The following UMOD variants were observed in gnomAD, a reference collection of about 807,000 sequenced individuals.
UMOD encodes the protein Tamm-Horsfall urinary glycoprotein.
A neutral mutation model predicts 66.0 loss-of-function variants in UMOD; 64 were observed. The ratio of observed to expected loss-of-function variants is 0.97; its 90% CI spans 0.79 to 1.19. The LOEUF is 1.19. Ranked by LOEUF, UMOD falls within the 50% of genes most tolerant of loss-of-function variation. UMOD has a pLI of 0.00. For synonymous variants in UMOD, 398 were observed against 352.7 expected, an observed-to-expected ratio of 1.13 and a Z score of -1.44; for missense variants, 764 against 850.9, an observed-to-expected ratio of 0.90 and a Z score of 1.27.
chr16:20,343,261 A>T (rs1371812805), intron 6 of UMOD, among the ~76,000 whole-genome samples: 1 of 103,932 alleles, frequency 9.6e-6, no homozygotes, highest in Non-Finnish European at 2.2e-5. Context: ...GATTCCTTTT[A>T]AAAAAAATAA....
Position 20,333,208 on chromosome 16 carries a change from A to T in UMOD, c.*106T>A, listed in dbSNP as rs1484927476. ...GGGAGAAAAGAAGGCAGGCTGAACA[A>T]AGCATGAACTTTCTTTTCTGTGGCT... On this transcript the variant is annotated 3_prime_UTR_variant, in exon 11 of 11. Coordinates refer to ENST00000396138, the MANE Select transcript of UMOD (RefSeq NM_003361.4). The T allele has an allele frequency of 2.5e-6, 3 of 1,189,874 alleles. No individual in the cohort carries two copies. The highest frequency in any genetic ancestry group is 2.4e-6 in the Non-Finnish European group (2 of 816,366). The allele number at this position is 1,189,874 out of a possible 1,614,324, so 73.7% of individuals were successfully genotyped here.
chr16:20,340,950 C>G, intron 7 of UMOD, 141 bp downstream of exon 7: 3 of 951,968 alleles, frequency 3.2e-6, no homozygotes, highest in Non-Finnish European at 4.7e-6. Flanking sequence ...GCCGAGGTCA[C>G]ACCATTGCAC....
chr16:20,341,004 AAAAAAG>A, intron 7 of UMOD, 81 bp downstream of exon 7: 1 of 1,443,480 alleles, frequency 6.9e-7, no homozygotes, highest in South Asian at 1.3e-5. Flanking sequence ...AAAAAAAAAA[AAAAAAG>A]ATGCAATTTT....
chr16:20,340,493 T>TATATATATAA lies in UMOD; in HGVS notation c.1577+597_1577+598insTTATATATAT, dbSNP rs1491178174. ...GTGTGTATATATATATATATATATA[T>TATATATATAA]AATACATAAATATATATTTGCCAAT... is the stretch of plus-strand genomic sequence containing the variant. On this transcript the variant is annotated intron_variant, in intron 7 of 10. Coordinates refer to ENST00000396138, the MANE Select transcript of UMOD (RefSeq NM_003361.4). 3.0e-4 allele frequency among the ~76,000 whole-genome samples: 28 copies of TATATATATAA among 92,542 alleles called. No individual in the cohort carries two copies. In the South Asian group the frequency reaches 8.9e-3, roughly 29 times the overall value. 60.7% of individuals were successfully genotyped at this position (92,542 alleles called of 152,430 possible). A position where few individuals can be genotyped will look rare whatever the true frequency, so the allele number is the denominator to read the frequency against.
At position 20,348,429 on chromosome 16, in the gene UMOD, G is replaced by T. The variant is rs759063012; in HGVS notation, c.865+7C>A. On this transcript the variant is annotated splice_region_variant and intron_variant, in intron 3 of 10. Coordinates refer to ENST00000396138, the MANE Select transcript of UMOD (RefSeq NM_003361.4). ...GGGATGAGGACTGTGGGGAGACTCC[G>T]GCTGACCTGTGCAGTACGCCAGGTG... 2 of 1,613,960 alleles carry T rather than the reference G, an allele frequency of 1.2e-6. No individual in the cohort carries two copies. Among genetic ancestry groups the T allele is most frequent in the Non-Finnish European group, 1.7e-6 (2 of 1,180,016 alleles).
At chr16:20,336,924 C>T (rs979573733) in intron 8 of UMOD, among the ~76,000 whole-genome samples, 197 bp from the exon 9 acceptor site, 3 of 152,212 alleles carry the variant, frequency 2.0e-5, no homozygotes, top group Admixed American at 1.3e-4. Context: ...AGGCAAGCCA[C>T]TGAAGTTCTC....
upstream of UMOD, among the ~76,000 whole-genome samples, chr16:20,354,911 C>T: frequency 6.6e-6 from 1 of 152,142 alleles, no homozygotes; most frequent in Non-Finnish European, 1.5e-5. Flanking sequence ...GGCTTTTACA[C>T]TTAGGGTCAC....
chr16:20,352,139 A>G (rs989247544), intron 1 of UMOD, among the ~76,000 whole-genome samples: 1 of 151,926 alleles, frequency 6.6e-6, no homozygotes, highest in Non-Finnish European at 1.5e-5. Context: ...TCCTTACTAC[A>G]TTAAGTGATT....
In UMOD at chr16:20,344,189, G is replaced by A. The variant is rs1280345708; in HGVS notation, c.1183-17C>T. ...TTCATTCCTCTGTTGCAGGGAATGG[G>A]GGTGGAGGGGGGGTGGGGATGAGAG... On this transcript the variant is annotated splice_polypyrimidine_tract_variant and intron_variant, in intron 5 of 10. Transcript: ENST00000396138. 6 of 1,560,454 alleles carry A rather than the reference G, an allele frequency of 3.8e-6. No homozygotes were observed. The highest frequency in any genetic ancestry group is 5.3e-6 in the Non-Finnish European group (6 of 1,135,278).
At position 20,341,352 on chromosome 16, in the gene UMOD, G is replaced by T. The variant is rs766873898; in HGVS notation, c.1332-16C>A. The T allele has an allele frequency of 1.9e-6, 3 of 1,612,550 alleles. No homozygotes were observed. Among genetic ancestry groups the T allele is most frequent in the Non-Finnish European group, 2.5e-6 (3 of 1,180,004 alleles). ...GTTTAGAGCACTGCCAGGGGAGAAG[G>T]GTTGGTGAGAGGACCGGGCTGAGAA... On this transcript the variant is annotated splice_polypyrimidine_tract_variant and intron_variant, in intron 6 of 10. Coordinates refer to ENST00000396138, the MANE Select transcript of UMOD (RefSeq NM_003361.4).
At chr16:20,336,378 CTGGA>C (rs1964869703) in intron 9 of UMOD, among the ~76,000 whole-genome samples, 1 of 152,220 alleles carries the variant, frequency 6.6e-6, no homozygotes, top group Non-Finnish European at 1.5e-5. Flanking sequence ...GCAAACTTGT[CTGGA>C]TGATCTACAT....
chr16:20,333,459 C>T (rs1964697945), intron 10 of UMOD, 84 bp from the exon 11 acceptor site: 3 of 1,332,020 alleles, frequency 2.3e-6, no homozygotes, highest in Non-Finnish European at 3.2e-6. Flanking sequence ...TCTAGGCTGA[C>T]CAATCAGAAG....
chr16:20,352,807 G>A, upstream of UMOD: 1 of 1,108,508 alleles, frequency 9.0e-7, no homozygotes, highest in Non-Finnish European at 1.1e-6. Flanking sequence ...TTTTGATATT[G>A]TTTTCTTGGG....
At chr16:20,349,856 G>A in intron 2 of UMOD, 1 of 1,542,818 alleles carries the variant, frequency 6.5e-7, no homozygotes, top group Non-Finnish European at 8.7e-7. Flanking sequence ...TGGCTGGGCA[G>A]TTGTACTTTG....
intron 3 of UMOD, 47 bp from the exon 4 acceptor site, chr16:20,348,377 C>T (rs757163016): frequency 3.7e-6 from 6 of 1,614,128 alleles, no homozygotes; most frequent in Admixed American, 1.7e-5. Flanking sequence ...GACGCACCCC[C>T]GTCCTCTGCA....
At chr16:20,350,076 T>C (rs1965817482) in intron 2 of UMOD, among the ~76,000 whole-genome samples, 1 of 152,036 alleles carries the variant, frequency 6.6e-6, no homozygotes, top group Admixed American at 6.6e-5. Flanking sequence ...ACTCCTTTGG[T>C]AAGAAGTAGA....
chr16:20,346,772 G>A (rs968939010), intron 4 of UMOD, among the ~76,000 whole-genome samples: 1 of 152,038 alleles, frequency 6.6e-6, no homozygotes, highest in African/African-American at 2.4e-5. Flanking sequence ...TCCCACAGTA[G>A]TAATAGTAGC....
At chr16:20,345,442 C>CTTTCTTTCT (rs773200268) in intron 5 of UMOD, among the ~76,000 whole-genome samples, 1 of 41,558 alleles carries the variant, frequency 2.4e-5, no homozygotes, top group East Asian at 2.8e-4. Context: ...TTCTTTCTTT[C>CTTTCTTTCT]TTCCTTTCTT....
rs1400053275 is a variant in UMOD, at chr16:20,341,132, G to A, written c.1536C>T (p.Ser512=). 2 of 1,614,086 alleles carry A rather than the reference G, an allele frequency of 1.2e-6. No homozygotes were observed. Residue 512 remains serine (S), a synonymous_variant, in exon 7 of 11, where the codon AGC becomes AGT. Coordinates refer to ENST00000396138, the MANE Select transcript of UMOD (RefSeq NM_003361.4). ...LMTNCYATPS[S]NATDPLKYFI... is the part of the protein sequence containing the mutation. ...AGTACTTCAGGGGGTCCGTGGCATT[G>A]CTACTGGGTGTGGCATAGCAGTTGG...
Sources: allele counts gnomAD v4.1 joint callset (sites outside exome capture counted in the v4.1 genomes callset), GRCh38; gene constraint gnomAD v4.1.1; transcripts MANE v1.5; gene names NCBI Gene and HGNC (gene_info 2026-07-23, HGNC 2026-07-21).